NOL10: variants seen among roughly 807,000 people sequenced by gnomAD.
NOL10 encodes the protein H_NH0074G24.1.
A neutral mutation model predicts 103.5 loss-of-function variants in NOL10; 58 were observed. That is an observed-to-expected ratio of 0.56 (90% confidence interval 0.45 to 0.70). NOL10 has a LOEUF of 0.70. Among genes scored for constraint, NOL10 ranks in the 30% least tolerant of loss-of-function variants. The pLI is 0.00. For synonymous variants in NOL10, 287 were observed against 282.5 expected (o/e 1.02, Z -0.16); for missense variants, 763 against 807.3 (o/e 0.95, Z 0.67).
chr2:10,587,218 C>CATATATACAT lies in NOL10; in HGVS notation c.1844+1824_1844+1825insATGTATATAT, dbSNP rs1675137950. On this transcript the variant is annotated intron_variant, in intron 19 of 20. Coordinates refer to ENST00000381685, the MANE Select transcript of NOL10 (RefSeq NM_024894.4). ...ACATATATATACACATATATATATA[C>CATATATACAT]ATATATATACATATATATATACATA... 4.7e-5 allele frequency among the ~76,000 whole-genome samples: 2 copies of CATATATACAT among 42,936 alleles called. 1 individual carries two copies. Among genetic ancestry groups the CATATATACAT allele is most frequent in the African/African-American group, 3.1e-4 (2 of 6,392 alleles). The allele number at this position is 42,936 out of a possible 152,430, so 28.2% of individuals were successfully genotyped here. A position where few individuals can be genotyped will look rare whatever the true frequency, so the allele number is the denominator to read the frequency against.
rs139350683 is a variant in NOL10, at chr2:10,603,034, C to T, written c.1233+44G>A. ...GTAGTGAGGAAATGGCCACAGACTG[C>T]GCATTAGTTACCTGAAACATAATAA... On this transcript the variant is annotated intron_variant, in intron 15 of 20. Transcript: ENST00000381685. The T allele has an allele frequency of 1.9e-3, 2,704 of 1,457,642 alleles. 32 individuals are homozygous for T. The highest frequency in any genetic ancestry group is 0.018 in the African/African-American group (1,289 of 71,374). The allele number at this position is 1,457,642 out of a possible 1,614,324, so 90.3% of individuals were successfully genotyped here.
chr2:10,583,206 T>C (rs989795876), intron 19 of NOL10, among the ~76,000 whole-genome samples: 4 of 152,232 alleles, frequency 2.6e-5, no homozygotes, highest in Admixed American at 6.5e-5. Flanking sequence ...AATTTTTAGT[T>C]CTAGGCAATC....
At chr2:10,671,782 C>G in intron 5 of NOL10, 92 bp from the exon 6 acceptor site, 1 of 849,012 alleles carries the variant, frequency 1.2e-6, no homozygotes, top group Non-Finnish European at 1.8e-6. Context: ...AAGGAAAACC[C>G]TTACCTCTCT....
At chr2:10,639,894 G>A (rs906662422) in intron 13 of NOL10, among the ~76,000 whole-genome samples, 1 of 152,118 alleles carries the variant, frequency 6.6e-6, no homozygotes, top group East Asian at 1.9e-4. Context: ...ATGGGACAGG[G>A]GCTGCAGACA....
chr2:10,685,413 A>T (rs1682087992), intron 1 of NOL10, among the ~76,000 whole-genome samples: 1 of 139,032 alleles, frequency 7.2e-6, no homozygotes, highest in African/African-American at 2.7e-5. Flanking sequence ...GAATCACTTG[A>T]ACCCGGGAGG....
intron 3 of NOL10, 77 bp downstream of exon 3, chr2:10,681,894 A>T (rs1320271678): frequency 2.0e-5 from 5 of 250,552 alleles, no homozygotes; most frequent in South Asian, 1.3e-4. Flanking sequence ...TATTAGGGTT[A>T]AAAAAAAAAA....
At chr2:10,643,106 G>C (rs927374524) in intron 13 of NOL10, among the ~76,000 whole-genome samples, 2 of 152,182 alleles carry the variant, frequency 1.3e-5, no homozygotes, top group African/African-American at 4.8e-5. Flanking sequence ...CAGGGGAAAA[G>C]GAACAAATGG....
chr2:10,577,477 CA>C (rs758629792), intron 20 of NOL10, among the ~76,000 whole-genome samples, 158 bp downstream of exon 20: 4 of 152,208 alleles, frequency 2.6e-5, no homozygotes, highest in Non-Finnish European at 5.9e-5. Context: ...CTTGGCCCAC[CA>C]GGGGCTCTGG....
chr2:10,661,267 G>A lies in NOL10; in HGVS notation c.677+1692C>T, dbSNP rs546060769. On this transcript the variant is annotated intron_variant, in intron 9 of 20. Coordinates refer to ENST00000381685, the MANE Select transcript of NOL10 (RefSeq NM_024894.4). ...ATTTTGTATTTTTAGTAGAGACAGG[G>A]TTTCTCTGTGTTGGTCAGGCTGGTC... Among the ~76,000 whole-genome samples, 9 of 151,690 alleles carry A rather than the reference G, an allele frequency of 5.9e-5. No homozygotes were observed. The East Asian group carries it at 1.7e-3, about 29-fold the overall frequency.
At chr2:10,633,818 T>C (rs539938284) in intron 13 of NOL10, among the ~76,000 whole-genome samples, 3 of 151,800 alleles carry the variant, frequency 2.0e-5, no homozygotes, top group African/African-American at 7.2e-5. Flanking sequence ...TGTGTGTATA[T>C]ATATATATTT....
intron 19 of NOL10, among the ~76,000 whole-genome samples, chr2:10,587,990 T>G (rs1322547738): frequency 2.0e-5 from 3 of 152,112 alleles, no homozygotes; most frequent in Non-Finnish European, 4.4e-5. Flanking sequence ...CTCCCTTGGC[T>G]CCCCAGACAT....
chr2:10,576,384 A>G (rs1252328711), intron 20 of NOL10, among the ~76,000 whole-genome samples: 2 of 152,218 alleles, frequency 1.3e-5, no homozygotes, highest in African/African-American at 4.8e-5. Flanking sequence ...AAATAAAAAC[A>G]CATGTTCATG....
chr2:10,593,264 G>A (rs1233253755), intron 17 of NOL10, among the ~76,000 whole-genome samples: 2 of 151,766 alleles, frequency 1.3e-5, no homozygotes, highest in South Asian at 2.1e-4. Context: ...TCAGCCTCCT[G>A]GAGTAGCTGG....
intron 13 of NOL10, among the ~76,000 whole-genome samples, 198 bp from the exon 14 acceptor site, chr2:10,607,509 G>A (rs1407709982): frequency 6.6e-6 from 1 of 152,118 alleles, no homozygotes; most frequent in Non-Finnish European, 1.5e-5. Flanking sequence ...GTTTAGGCTT[G>A]TAAGAGAAAA....
At chr2:10,637,998 C>G (rs897028971) in intron 13 of NOL10, among the ~76,000 whole-genome samples, 2 of 152,146 alleles carry the variant, frequency 1.3e-5, no homozygotes, top group African/African-American at 4.8e-5. Flanking sequence ...AATAAAATAA[C>G]TGGCCAGGTG....
At chr2:10,599,756 C>G (rs1032549015) in intron 17 of NOL10, among the ~76,000 whole-genome samples, 1 of 152,094 alleles carries the variant, frequency 6.6e-6, no homozygotes, top group Non-Finnish European at 1.5e-5. Context: ...GAGTCTGAAT[C>G]CATTTGGAAA....
At chr2:10,637,649 C>T (rs1485887126) in intron 13 of NOL10, among the ~76,000 whole-genome samples, 1 of 152,168 alleles carries the variant, frequency 6.6e-6, no homozygotes, top group Admixed American at 6.5e-5. Context: ...TCCAATTGTG[C>T]ATTTCCTTTG....
intron 6 of NOL10, among the ~76,000 whole-genome samples, chr2:10,669,463 T>TA (rs1680772707): frequency 1.8e-5 from 2 of 111,424 alleles, no homozygotes; most frequent in Non-Finnish European, 4.0e-5. Flanking sequence ...ATATTTTTAT[T>TA]TTTTATATAT....
chr2:10,663,420 CACATTA>C (rs954487190), intron 8 of NOL10, among the ~76,000 whole-genome samples: 1 of 149,850 alleles, frequency 6.7e-6, no homozygotes, highest in Middle Eastern at 3.5e-3. Flanking sequence ...AAAAATAAAC[CACATTA>C]ACATTGTTTA....
Sources: allele counts gnomAD v4.1 joint callset (sites outside exome capture counted in the v4.1 genomes callset), GRCh38; gene constraint gnomAD v4.1.1; transcripts MANE v1.5; gene names NCBI Gene and HGNC (gene_info 2026-07-23, HGNC 2026-07-21).